The following ZNF385B variants were observed in gnomAD, a reference collection of about 807,000 sequenced individuals.
ZNF385B encodes zinc finger protein 533.
In ZNF385B, 23 loss-of-function variants were observed where a neutral mutation model predicts 39.2. The observed-to-expected ratio is 0.59, with a 90% confidence interval of 0.42 to 0.83. The LOEUF is 0.83. Among genes scored for constraint, ZNF385B ranks in the 40% least tolerant of loss-of-function variants. ZNF385B has a pLI of 0.00. For synonymous variants in ZNF385B, 205 were observed against 222.6 expected, an observed-to-expected ratio of 0.92 and a Z score of 0.70; for missense variants, 552 against 598.9, an observed-to-expected ratio of 0.92 and a Z score of 0.82.
At chr2:179,541,012 T>C (rs1432484653) in intron 4 of ZNF385B, among the ~76,000 whole-genome samples, 1 of 152,192 alleles carries the variant, frequency 6.6e-6, no homozygotes, top group Non-Finnish European at 1.5e-5. Flanking sequence ...CTTTATGTTT[T>C]GGTCCACACA....
At chr2:179,585,413 T>C (rs551228912) in intron 3 of ZNF385B, among the ~76,000 whole-genome samples, 2 of 152,278 alleles carry the variant, frequency 1.3e-5, no homozygotes, top group South Asian at 2.1e-4. Context: ...AGGGTGTCTT[T>C]ATAGTACCTA....
intron 3 of ZNF385B, among the ~76,000 whole-genome samples, chr2:179,680,053 C>T (rs1343991254): frequency 1.3e-5 from 2 of 152,072 alleles, no homozygotes; most frequent in Non-Finnish European, 2.9e-5. Flanking sequence ...AAAATTTGTA[C>T]CATTTACTTT....
At chr2:179,590,368 A>G (rs1687452779) in intron 3 of ZNF385B, among the ~76,000 whole-genome samples, 1 of 152,208 alleles carries the variant, frequency 6.6e-6, no homozygotes, top group Admixed American at 6.5e-5. Flanking sequence ...TTTAAGCCCA[A>G]TGCCTGGCAA....
chr2:179,827,729 G>A (rs1359717083), intron 1 of ZNF385B, among the ~76,000 whole-genome samples: 3 of 152,128 alleles, frequency 2.0e-5, no homozygotes, highest in Non-Finnish European at 4.4e-5. Flanking sequence ...CTTCTAGCAT[G>A]CTGTTAAAAC....
At chr2:179,770,050 C>A (rs552810125) in intron 2 of ZNF385B, among the ~76,000 whole-genome samples, 1 of 152,218 alleles carries the variant, frequency 6.6e-6, no homozygotes, top group Admixed American at 6.5e-5. Flanking sequence ...CCCATCCTTG[C>A]CCCTCTTCCC....
At chr2:179,658,888 T>C (rs1694121735) in intron 3 of ZNF385B, among the ~76,000 whole-genome samples, 1 of 152,144 alleles carries the variant, frequency 6.6e-6, no homozygotes, top group Non-Finnish European at 1.5e-5. Flanking sequence ...AGTGATTCTC[T>C]TGCTTCAGCC....
intron 3 of ZNF385B, among the ~76,000 whole-genome samples, chr2:179,568,664 A>C (rs577240710): frequency 6.6e-6 from 1 of 152,330 alleles, no homozygotes; most frequent in South Asian, 2.1e-4. Flanking sequence ...ATTTGGCAAA[A>C]ATATGTTGGG....
chr2:179,683,477 A>AT (rs769818144), intron 3 of ZNF385B, among the ~76,000 whole-genome samples: 164 of 141,166 alleles, frequency 1.2e-3, no homozygotes, highest in Admixed American at 1.8e-3. Context: ...ACATTTTTGA[A>AT]TTTTTTTTTT....
At chr2:179,695,240 T>C (rs554361469) in intron 3 of ZNF385B, among the ~76,000 whole-genome samples, 1 of 152,188 alleles carries the variant, frequency 6.6e-6, no homozygotes, top group South Asian at 2.1e-4. Flanking sequence ...CTAATTAGGG[T>C]GACCATATAA....
intron 3 of ZNF385B, among the ~76,000 whole-genome samples, chr2:179,769,192 T>C (rs1326993268): frequency 1.3e-5 from 2 of 152,216 alleles, no homozygotes; most frequent in Admixed American, 1.3e-4. Flanking sequence ...ACATCACTGA[T>C]GCATTTTAAA....
At chr2:179,601,647 G>T (rs1164416905) in intron 3 of ZNF385B, among the ~76,000 whole-genome samples, 1 of 151,842 alleles carries the variant, frequency 6.6e-6, no homozygotes, top group Non-Finnish European at 1.5e-5. Flanking sequence ...CTTGAATTTG[G>T]GACACTATTT....
At chr2:179,728,391 T>C (rs1347858637) in intron 3 of ZNF385B, among the ~76,000 whole-genome samples, 1 of 152,116 alleles carries the variant, frequency 6.6e-6, no homozygotes, top group Non-Finnish European at 1.5e-5. Flanking sequence ...AGATGAGGAC[T>C]TTAACACCCA....
chr2:179,459,485 C>T (rs1295650110), intron 6 of ZNF385B, among the ~76,000 whole-genome samples: 1 of 151,852 alleles, frequency 6.6e-6, no homozygotes, highest in Non-Finnish European at 1.5e-5. Flanking sequence ...TGATTGAGCA[C>T]CTATTATGTG....
At chr2:179,443,505 C>T in intron 9 of ZNF385B, 37 bp from the exon 10 acceptor site, 2 of 1,511,986 alleles carry the variant, frequency 1.3e-6, no homozygotes, top group African/African-American at 1.4e-5. Flanking sequence ...GGGTGGAGAT[C>T]CTGTTTTTGA....
In ZNF385B at chr2:179,726,773, C is replaced by T. The variant is rs144361407; in HGVS notation, c.298+42730G>A. Among the ~76,000 whole-genome samples, 1,143 of 152,122 alleles carry T rather than the reference C, an allele frequency of 7.5e-3. 14 individuals are homozygous for T. The highest frequency in any genetic ancestry group is 0.026 in the African/African-American group (1,080 of 41,534). ...AGGAGATAATATAGTACTATTACTG[C>T]ATTTGTGCTTTACACATCTATAGAC... is the stretch of plus-strand genomic sequence containing the variant. On this transcript the variant is annotated intron_variant, in intron 3 of 9. Transcript: ENST00000410066.
chr2:179,859,395 ACTT>A (rs1559258519), intron 1 of ZNF385B, among the ~76,000 whole-genome samples: 1 of 152,330 alleles, frequency 6.6e-6, no homozygotes, highest in East Asian at 1.9e-4. Context: ...TGGTTATTAA[ACTT>A]CTATAAAGAG....
At chr2:179,616,475 A>C (rs547877283) in intron 3 of ZNF385B, among the ~76,000 whole-genome samples, 6 of 152,224 alleles carry the variant, frequency 3.9e-5, no homozygotes, top group Admixed American at 6.5e-5. Context: ...CTGAGACTAC[A>C]GGTGTATGTC....
At chr2:179,811,742 A>C (rs2106567251) in intron 1 of ZNF385B, among the ~76,000 whole-genome samples, 1 of 152,208 alleles carries the variant, frequency 6.6e-6, no homozygotes, top group East Asian at 1.9e-4. Context: ...CCTTGGGAAA[A>C]AATTTATGAC....
chr2:179,483,178 G>T, intron 6 of ZNF385B, 94 bp downstream of exon 6: 1 of 1,371,556 alleles, frequency 7.3e-7, no homozygotes, highest in Non-Finnish European at 1.0e-6. Flanking sequence ...AAATCATGGA[G>T]AGTAACATGC....
Sources: allele counts gnomAD v4.1 joint callset (sites outside exome capture counted in the v4.1 genomes callset), GRCh38; gene constraint gnomAD v4.1.1; transcripts MANE v1.5; gene names NCBI Gene and HGNC (gene_info 2026-07-23, HGNC 2026-07-21).